BMPR1B: variants seen among roughly 807,000 people sequenced by gnomAD.
BMPR1B encodes bone morphogenetic protein receptor type-1B.
In BMPR1B, 12 loss-of-function variants were observed where a neutral mutation model predicts 59.1. The observed-to-expected ratio is 0.20, with a 90% CI of 0.13 to 0.33. BMPR1B has a LOEUF of 0.33. BMPR1B is among the 10% of genes least tolerant of loss of function. BMPR1B has a pLI of 1.00. For synonymous variants in BMPR1B, 237 were observed against 207.3 expected (o/e 1.14, Z -1.23); for missense variants, 550 against 610.9 (o/e 0.90, Z 1.05).
intron 6 of BMPR1B, among the ~76,000 whole-genome samples, chr4:95,123,186 TA>T (rs1485202815): frequency 6.6e-6 from 1 of 152,192 alleles, no homozygotes; most frequent in Non-Finnish European, 1.5e-5. Flanking sequence ...AAAAGTATCA[TA>T]CATTCTTTGG....
intron 2 of BMPR1B, among the ~76,000 whole-genome samples, chr4:94,943,424 CCACT>C (rs1389249229): frequency 1.3e-5 from 2 of 152,172 alleles, no homozygotes; most frequent in Non-Finnish European, 2.9e-5. Flanking sequence ...GTGTCTGCCT[CCACT>C]CACTATTTAT....
At chr4:94,899,544 T>C (rs1454343073) in intron 2 of BMPR1B, among the ~76,000 whole-genome samples, 1 of 151,036 alleles carries the variant, frequency 6.6e-6, no homozygotes, top group East Asian at 1.9e-4. Flanking sequence ...GAATATGAAG[T>C]GCAAATATGA....
At chr4:95,071,644 G>GTATATATATA (rs1410154969) in intron 3 of BMPR1B, among the ~76,000 whole-genome samples, 1 of 83,622 alleles carries the variant, frequency 1.2e-5, no homozygotes, top group Admixed American at 1.5e-4. Context: ...GTGTGTGTGT[G>GTATATATATA]TGTGTGTGTA....
intron 1 of BMPR1B, among the ~76,000 whole-genome samples, chr4:94,859,803 GCTCAGACT>G (rs1399569505): frequency 6.6e-6 from 1 of 151,952 alleles, no homozygotes; most frequent in Non-Finnish European, 1.5e-5. Flanking sequence ...TAATATTTTG[GCTCAGACT>G]GTGAGGAGAT....
intron 1 of BMPR1B, among the ~76,000 whole-genome samples, chr4:94,865,226 C>T (rs1421583507): frequency 6.6e-6 from 1 of 152,188 alleles, no homozygotes; most frequent in Admixed American, 6.5e-5. Context: ...CCAGGCTGGT[C>T]TCGAACTGCC....
At chr4:94,981,026 A>AAG (rs1721049046) in intron 2 of BMPR1B, among the ~76,000 whole-genome samples, 2 of 151,750 alleles carry the variant, frequency 1.3e-5, no homozygotes, top group Admixed American at 6.6e-5. Context: ...CACACACAAA[A>AAG]AGTAGAAGTT....
At chr4:94,983,344 C>T (rs894431801) in intron 2 of BMPR1B, among the ~76,000 whole-genome samples, 2 of 152,138 alleles carry the variant, frequency 1.3e-5, no homozygotes, top group South Asian at 4.2e-4. Context: ...GCTGCTTCAC[C>T]ATCATATATC....
At chr4:95,127,128 A>G (rs1363878828) in intron 8 of BMPR1B, among the ~76,000 whole-genome samples, 1 of 151,680 alleles carries the variant, frequency 6.6e-6, no homozygotes, top group Non-Finnish European at 1.5e-5. Context: ...AACTCCTTAT[A>G]CATTCAGTTA....
chr4:94,998,234 G>T lies in BMPR1B; in HGVS notation c.-18+2100G>T, dbSNP rs1722191885. The stretch of plus-strand genomic sequence containing the variant: ...AGGTATATTATACAAAATGAAAATG[G>T]CACCTTTTGTATTATGTGTTAAGTA... On this transcript the variant is annotated intron_variant, in intron 3 of 12. Coordinates refer to ENST00000515059, the MANE Select transcript of BMPR1B (RefSeq NM_001203.3). 2.0e-5 allele frequency among the ~76,000 whole-genome samples: 3 copies of T among 152,112 alleles called. No individual in the cohort carries two copies. In the South Asian group the frequency reaches 6.2e-4, roughly 32 times the overall value.
chr4:95,063,454 C>A (rs536017316), intron 3 of BMPR1B, among the ~76,000 whole-genome samples: 1 of 151,752 alleles, frequency 6.6e-6, no homozygotes, highest in South Asian at 2.1e-4. Context: ...TTTTATTATT[C>A]CATTTGTATA....
intron 2 of BMPR1B, among the ~76,000 whole-genome samples, chr4:94,966,147 T>G (rs1443798567): frequency 6.6e-6 from 1 of 152,178 alleles, no homozygotes; most frequent in Non-Finnish European, 1.5e-5. Context: ...AAAGTGGCAA[T>G]AACACAATTT....
Position 95,036,704 on chromosome 4 carries a change from C to CTTTTTTTTTTTTTTTTTT in BMPR1B, c.-18+40572_-18+40589dup, listed in dbSNP as rs5860386. Among the ~76,000 whole-genome samples, 2 of 128,094 alleles carry CTTTTTTTTTTTTTTTTTT rather than the reference C, an allele frequency of 1.6e-5. 1 individual carries two copies. The highest frequency in any genetic ancestry group is 3.3e-5 in the Non-Finnish European group (2 of 61,072). 84.0% of individuals were successfully genotyped at this position (128,094 alleles called of 152,430 possible). ...AGATATCTCTTCAATATACAATTTC[C>CTTTTTTTTTTTTTTTTTT]TTTTTTTTTTTTTTTTTTTGATATT... On this transcript the variant is annotated intron_variant, in intron 3 of 12. Coordinates refer to ENST00000515059, the MANE Select transcript of BMPR1B (RefSeq NM_001203.3).
In BMPR1B at chr4:94,800,762, T is replaced by C. The variant is rs962139777; in HGVS notation, c.-183+42694T>C. Among the ~76,000 whole-genome samples the C allele has an allele frequency of 2.8e-4, 42 of 152,226 alleles. 1 individual carries two copies. Among genetic ancestry groups the C allele is most frequent in the African/African-American group, 2.4e-5 (1 of 41,452 alleles). On this transcript the variant is annotated intron_variant, in intron 1 of 12. Transcript: ENST00000515059. ...TGTATCTTTTAAAACTATAAAACAA[T>C]TATCTAAAAATTATTTGGTGATATT...
chr4:94,862,991 G>T (rs1034909525), intron 1 of BMPR1B, among the ~76,000 whole-genome samples: 15 of 150,500 alleles, frequency 1.0e-4, no homozygotes, highest in Admixed American at 1.3e-4. Context: ...GGTGGTGGGC[G>T]CCTGTAATCC....
chr4:94,959,970 G>C (rs1171343173), intron 2 of BMPR1B, among the ~76,000 whole-genome samples: 1 of 152,136 alleles, frequency 6.6e-6, no homozygotes, highest in Admixed American at 6.6e-5. Context: ...CAGTGTCAAA[G>C]TAAAGGCATA....
chr4:94,824,042 A>G (rs1207399099), intron 1 of BMPR1B, among the ~76,000 whole-genome samples: 5 of 152,206 alleles, frequency 3.3e-5, no homozygotes, highest in Non-Finnish European at 5.9e-5. Flanking sequence ...CACCGTGCCC[A>G]GCCACTATCC....
intron 2 of BMPR1B, among the ~76,000 whole-genome samples, chr4:94,957,334 T>G (rs1419616741): frequency 2.8e-4 from 6 of 21,414 alleles, no homozygotes; most frequent in Non-Finnish European, 7.7e-4. Context: ...CTGTTTCGTG[T>G]TTTTTTTTTT....
Position 94,889,573 on chromosome 4 carries a change from G to A in BMPR1B, c.-113+13673G>A, listed in dbSNP as rs113569045. ...TGTTGTGCTTTGTTTTGATATGAGCGGAAGGGCTCATTAGTTCTGTGCCTC... is the reference window on the plus strand; with the variant it reads ...TGTTGTGCTTTGTTTTGATATGAGCAGAAGGGCTCATTAGTTCTGTGCCTC... On this transcript the variant is annotated intron_variant, in intron 2 of 12. Coordinates refer to ENST00000515059, the MANE Select transcript of BMPR1B (RefSeq NM_001203.3). 7.8e-4 allele frequency among the ~76,000 whole-genome samples: 119 copies of A among 152,144 alleles called. 1 individual carries two copies. The South Asian group carries it at 0.01, about 13-fold the overall frequency.
intron 2 of BMPR1B, among the ~76,000 whole-genome samples, chr4:94,958,497 A>G (rs1730239095): frequency 6.6e-6 from 1 of 151,966 alleles, no homozygotes; most frequent in African/African-American, 2.4e-5. Context: ...CTTCCTTCTC[A>G]TCATTGTCCC....
Sources: allele counts gnomAD v4.1 joint callset (sites outside exome capture counted in the v4.1 genomes callset), GRCh38; gene constraint gnomAD v4.1.1; transcripts MANE v1.5; gene names NCBI Gene and HGNC (gene_info 2026-07-23, HGNC 2026-07-21).